LCORL: variants seen among roughly 807,000 people sequenced by gnomAD.
LCORL encodes the protein ligand dependent nuclear receptor corepressor like, also known as ligand-dependent nuclear receptor corepressor-like protein.
In LCORL, 41 loss-of-function variants were observed where a neutral mutation model predicts 141.8. The ratio of observed to expected loss-of-function variants is 0.29; its 90% CI spans 0.23 to 0.38. LCORL has a LOEUF of 0.38. LCORL is among the 10% of genes least tolerant of loss of function. The pLI, the probability that LCORL is intolerant of heterozygous loss-of-function variation, is 1.00. For synonymous variants in LCORL, 618 were observed against 694.1 expected, an observed-to-expected ratio of 0.89 and a Z score of 1.72; for missense variants, 1,759 against 2,035.0, an observed-to-expected ratio of 0.86 and a Z score of 2.61.
At chr4:17,902,948 T>C (rs865958569) in intron 5 of LCORL, among the ~76,000 whole-genome samples, 2 of 152,058 alleles carry the variant, frequency 1.3e-5, no homozygotes, top group African/African-American at 4.8e-5. Context: ...GGTGGTACAA[T>C]AGTTAATGTC....
At chr4:18,006,640 A>C (rs150449818) in intron 1 of LCORL, among the ~76,000 whole-genome samples, 28 of 152,328 alleles carry the variant, frequency 1.8e-4, no homozygotes, top group African/African-American at 6.7e-4. Flanking sequence ...GGTGGCAGAC[A>C]AGAGAAGAGA....
intron 4 of LCORL, among the ~76,000 whole-genome samples, chr4:17,929,997 T>C (rs774892359): frequency 2.6e-5 from 4 of 152,164 alleles, no homozygotes; most frequent in Non-Finnish European, 4.4e-5. Flanking sequence ...TATAAGTACA[T>C]GACAAGATGC....
chr4:17,875,004 T>C (rs916588598), exon 7 of LCORL: 55 of 1,233,698 alleles, frequency 4.5e-5, no homozygotes, highest in Non-Finnish European at 5.4e-5. Flanking sequence ...CCTAATAGAA[T>C]GTCTCAAAGG....
chr4:17,886,043 A>G lies in LCORL; in HGVS notation c.776+25T>C, dbSNP rs200110345. On this transcript the variant is annotated intron_variant, in intron 6 of 7. Transcript: ENST00000635767. Reference sequence around the variant, plus strand: ...AGAGATAATTTTATATTAATATTAAATTATATTTCCTAGATATTGCTTACC... The same window carrying G: ...AGAGATAATTTTATATTAATATTAAGTTATATTTCCTAGATATTGCTTACC... 1,557 of 1,192,198 alleles carry G rather than the reference A, an allele frequency of 1.3e-3. 6 individuals are homozygous for G. The highest frequency in any genetic ancestry group is 1.7e-3 in the Non-Finnish European group (1,391 of 823,826). The allele number at this position is 1,192,198 out of a possible 1,614,324, so 73.9% of individuals were successfully genotyped here. A position where few individuals can be genotyped will look rare whatever the true frequency, so the allele number is the denominator to read the frequency against.
intron 2 of LCORL, among the ~76,000 whole-genome samples, chr4:17,969,174 T>C (rs545852537): frequency 3.3e-5 from 5 of 152,280 alleles, no homozygotes; most frequent in South Asian, 2.1e-4. Context: ...TTAGGGTAGA[T>C]GGAGGAGCAA....
intron 5 of LCORL, among the ~76,000 whole-genome samples, chr4:17,894,556 G>A (rs1214942899): frequency 1.3e-5 from 2 of 152,146 alleles, no homozygotes; most frequent in Non-Finnish European, 2.9e-5. Context: ...TTCAAGATGA[G>A]TAAAAAGAAT....
At chr4:17,874,894 G>T (rs952330866) in exon 7 of LCORL, 2 of 1,233,494 alleles carry the variant, frequency 1.6e-6, no homozygotes, top group Non-Finnish European at 2.0e-6. Flanking sequence ...TTATTTTTCT[G>T]CAAATGCAGT....
chr4:17,876,979 C>A (rs916892994), exon 7 of LCORL: 65 of 1,230,478 alleles, frequency 5.3e-5, no homozygotes, highest in Middle Eastern at 3.1e-4. Flanking sequence ...GGCCCTTGGT[C>A]ATGATAGAAT....
intron 6 of LCORL, chr4:17,883,329 A>T (rs1319271724): frequency 1.1e-5 from 11 of 1,000,770 alleles, no homozygotes; most frequent in Non-Finnish European, 1.3e-5. Flanking sequence ...TATTTCCATT[A>T]TAAGATGGTT....
exon 8 of LCORL, chr4:17,843,171 G>A (rs1311227330): frequency 1.2e-5 from 12 of 981,716 alleles, no homozygotes; most frequent in East Asian, 2.6e-5. Flanking sequence ...TTAGTTTTAA[G>A]CTAAGTCAAT....
At chr4:17,955,369 A>G (rs1712387357) in intron 4 of LCORL, among the ~76,000 whole-genome samples, 1 of 152,182 alleles carries the variant, frequency 6.6e-6, no homozygotes, top group South Asian at 2.1e-4. Flanking sequence ...GGATGGATTG[A>G]AAAGAGAAGG....
chr4:17,943,581 T>C (rs1435348248), intron 4 of LCORL, among the ~76,000 whole-genome samples: 4 of 152,238 alleles, frequency 2.6e-5, no homozygotes, highest in Admixed American at 2.0e-4. Context: ...ATTGCTTATG[T>C]TGCTTTCACT....
At chr4:17,906,978 G>A (rs889911520) in intron 5 of LCORL, among the ~76,000 whole-genome samples, 53 of 152,074 alleles carry the variant, frequency 3.5e-4, no homozygotes, top group African/African-American at 9.4e-4. Flanking sequence ...CACCATGCCC[G>A]GCCAAAATGC....
intron 4 of LCORL, among the ~76,000 whole-genome samples, chr4:17,939,022 CATT>C (rs1456633186): frequency 1.3e-5 from 2 of 152,154 alleles, no homozygotes; most frequent in Non-Finnish European, 2.9e-5. Context: ...AAACATAAAA[CATT>C]AGTAATTATC....
At chr4:17,881,451 T>C (rs564161264) in intron 6 of LCORL, 6 of 870,952 alleles carry the variant, frequency 6.9e-6, no homozygotes, top group Non-Finnish European at 8.3e-6. Flanking sequence ...GGGTTGATTA[T>C]TACCTATAAA....
At chr4:17,859,390 C>T (rs1724736327) in intron 7 of LCORL, among the ~76,000 whole-genome samples, 1 of 152,072 alleles carries the variant, frequency 6.6e-6, no homozygotes, top group Non-Finnish European at 1.5e-5. Context: ...AAAATATGGT[C>T]AAATCTGATA....
At chr4:18,013,723 G>C (rs1470394304) in intron 1 of LCORL, among the ~76,000 whole-genome samples, 1 of 152,086 alleles carries the variant, frequency 6.6e-6, no homozygotes, top group Non-Finnish European at 1.5e-5. Context: ...GCACATACTA[G>C]TCAGAAAAGA....
At chr4:17,972,725 T>G in intron 2 of LCORL, 95 bp downstream of exon 2, 1 of 431,826 alleles carries the variant, frequency 2.3e-6, no homozygotes, top group Non-Finnish European at 3.9e-6. Flanking sequence ...GGATCATAAA[T>G]TCATGTTTAA....
chr4:17,938,361 A>G (rs1737231226), intron 4 of LCORL, among the ~76,000 whole-genome samples: 1 of 151,190 alleles, frequency 6.6e-6, no homozygotes, highest in South Asian at 2.1e-4. Flanking sequence ...AATTAATAAT[A>G]GATCCTTTAA....
Sources: gnomAD v4.1 joint callset for allele counts (sites outside exome capture counted in the v4.1 genomes callset) on GRCh38, gnomAD v4.1.1 for gene constraint, MANE v1.5 for transcripts, NCBI Gene and HGNC (gene_info 2026-07-23, HGNC 2026-07-21) for gene names.